The following HNRNPUL1 variants were observed in gnomAD, a reference collection of about 807,000 sequenced individuals.
The protein encoded by HNRNPUL1 is heterogeneous nuclear ribonucleoprotein U-like protein 1.
A neutral mutation model predicts 108.5 loss-of-function variants in HNRNPUL1; 14 were observed. The observed-to-expected ratio is 0.13, with a 90% confidence interval of 0.09 to 0.20. The LOEUF is 0.20. Among genes scored for constraint, HNRNPUL1 ranks in the 10% least tolerant of loss-of-function variants. The pLI is 1.00. For synonymous variants in HNRNPUL1, 422 were observed against 445.2 expected (o/e 0.95, Z 0.66); for missense variants, 804 against 1,168.3 (o/e 0.69, Z 4.55).
intron 4 of HNRNPUL1, among the ~76,000 whole-genome samples, chr19:41,274,583 T>G (rs979919869): frequency 6.6e-6 from 1 of 152,218 alleles, no homozygotes; most frequent in South Asian, 2.1e-4. Flanking sequence ...TAAGTGGCTT[T>G]CACCTTCACT....
intron 7 of HNRNPUL1, among the ~76,000 whole-genome samples, chr19:41,285,600 C>T (rs1458284219): frequency 6.6e-6 from 1 of 152,168 alleles, no homozygotes; most frequent in African/African-American, 2.4e-5. Context: ...TTTGGTTGTA[C>T]AACAAGAAGG....
At chr19:41,278,188 T>C (rs1369707461) in intron 5 of HNRNPUL1, among the ~76,000 whole-genome samples, 1 of 151,972 alleles carries the variant, frequency 6.6e-6, no homozygotes, top group Admixed American at 6.6e-5. Flanking sequence ...GCCTCCCAAG[T>C]AGCTGGGATT....
intron 6 of HNRNPUL1, 69 bp from the exon 7 acceptor site, chr19:41,281,094 A>T (rs1165022827): frequency 2.2e-6 from 2 of 916,786 alleles, no homozygotes; most frequent in Non-Finnish European, 1.8e-6. Context: ...AAATAAAAGT[A>T]TGTGGCAGCC....
intron 10 of HNRNPUL1, among the ~76,000 whole-genome samples, chr19:41,297,994 G>T (rs777266330): frequency 4.6e-5 from 7 of 152,118 alleles, no homozygotes; most frequent in South Asian, 2.1e-4. Flanking sequence ...TCCTATAAAT[G>T]TGGTTCTTTT....
chr19:41,270,068 C>T (rs1003619349), intron 2 of HNRNPUL1, among the ~76,000 whole-genome samples: 2 of 152,088 alleles, frequency 1.3e-5, no homozygotes, highest in Admixed American at 6.5e-5. Flanking sequence ...CTGCAACCTC[C>T]GCCTCTCGGG....
At chr19:41,293,988 T>C (rs2036739313) in intron 8 of HNRNPUL1, among the ~76,000 whole-genome samples, 1 of 151,996 alleles carries the variant, frequency 6.6e-6, no homozygotes, top group Non-Finnish European at 1.5e-5. Context: ...GCCTGGGCAA[T>C]AGAGTGAGAC....
At chr19:41,303,644 G>A (rs1054083146) in intron 12 of HNRNPUL1, among the ~76,000 whole-genome samples, 2 of 152,046 alleles carry the variant, frequency 1.3e-5, no homozygotes, top group Admixed American at 6.6e-5. Flanking sequence ...GTGAGCCACC[G>A]CACCCTGCCA....
chr19:41,294,774 C>A lies in HNRNPUL1; in HGVS notation c.1518+88C>A. ...TCTCCCTCTGGTCCCTTTCTTTTTT[C>A]CCCCGTAATGATGATGGACTGCTGT... is the stretch of plus-strand genomic sequence containing the variant. On this transcript the variant is annotated intron_variant, in intron 10 of 14. Coordinates refer to ENST00000392006, the MANE Select transcript of HNRNPUL1 (RefSeq NM_007040.6). The surrounding 1 kb of genome is among the most constrained non-coding windows in gnomAD (Gnocchi z 4.3). 1 of 1,510,960 alleles carries A rather than the reference C, an allele frequency of 6.6e-7. No homozygotes were observed. Among genetic ancestry groups the A allele is most frequent in the Admixed American group, 1.7e-5 (1 of 58,494 alleles). The allele number at this position is 1,510,960 out of a possible 1,614,324, so 93.6% of individuals were successfully genotyped here. A position where few individuals can be genotyped will look rare whatever the true frequency, so the allele number is the denominator to read the frequency against.
At chr19:41,266,306 G>A (rs937987967) in intron 1 of HNRNPUL1, among the ~76,000 whole-genome samples, 1 of 152,000 alleles carries the variant, frequency 6.6e-6, no homozygotes, top group African/African-American at 2.4e-5. Context: ...GGTGGTGTGC[G>A]CCTGTAGTCC....
chr19:41,272,251 A>G lies in HNRNPUL1; in HGVS notation c.572+16A>G. Reference sequence around the variant, plus strand: ...AGGATAGGAGGTGGGTGTATGAGGCAGCAGTCACCCTTGCTCTGGTAGGTT... The same window carrying G: ...AGGATAGGAGGTGGGTGTATGAGGCGGCAGTCACCCTTGCTCTGGTAGGTT... On this transcript the variant is annotated intron_variant, in intron 3 of 14. Transcript: ENST00000392006. 1 of 1,611,146 alleles carries G rather than the reference A, an allele frequency of 6.2e-7. No individual in the cohort carries two copies.
chr19:41,287,851 C>T (rs944012486), intron 7 of HNRNPUL1, among the ~76,000 whole-genome samples: 6 of 152,068 alleles, frequency 3.9e-5, no homozygotes, highest in Non-Finnish European at 5.9e-5. Flanking sequence ...TCAGCCACTG[C>T]GCCCGGCCCT....
chr19:41,303,059 T>G (rs2037330100), intron 12 of HNRNPUL1, 110 bp downstream of exon 12: 1 of 1,219,042 alleles, frequency 8.2e-7, no homozygotes, highest in African/African-American at 1.5e-5. Context: ...AGCTGTGAGT[T>G]ATACTCTGGT....
chr19:41,278,163 G>A (rs200398412), intron 5 of HNRNPUL1, among the ~76,000 whole-genome samples: 12 of 151,890 alleles, frequency 7.9e-5, no homozygotes, highest in East Asian at 5.9e-4. Flanking sequence ...GGGTTCAAGC[G>A]ATTCTCCTGC....
In HNRNPUL1 at chr19:41,266,348, G is replaced by A. The variant is rs193111924; in HGVS notation, c.295+1550G>A. On this transcript the variant is annotated intron_variant, in intron 1 of 14. Coordinates refer to ENST00000392006, the MANE Select transcript of HNRNPUL1 (RefSeq NM_007040.6). ...CTCGGGAGGCTGAGGCAGGAGAATC[G>A]CTTGAACTTGGGAGGGGGAGGTTGC... Among the ~76,000 whole-genome samples, 18 of 152,154 alleles carry A rather than the reference G, an allele frequency of 1.2e-4. No individual in the cohort carries two copies. The East Asian group carries it at 2.9e-3, about 24-fold the overall frequency.
chr19:41,288,556 T>C (rs1020544705), intron 7 of HNRNPUL1, among the ~76,000 whole-genome samples: 1 of 152,184 alleles, frequency 6.6e-6, no homozygotes, highest in African/African-American at 2.4e-5. Flanking sequence ...GGTGGGGATC[T>C]TTTTATGGTA....
At chr19:41,266,646 A>G (rs2034866480) in intron 1 of HNRNPUL1, among the ~76,000 whole-genome samples, 1 of 152,078 alleles carries the variant, frequency 6.6e-6, no homozygotes, top group African/African-American at 2.4e-5. Flanking sequence ...GTTAAGGAGT[A>G]AGTAGAAGGG....
intron 7 of HNRNPUL1, among the ~76,000 whole-genome samples, chr19:41,289,733 T>TTTG (rs2036470901): frequency 7.0e-6 from 1 of 141,988 alleles, no homozygotes; most frequent in Non-Finnish European, 1.5e-5. Context: ...TTTTTTTTTT[T>TTTG]GAGAAGGAGT....
chr19:41,292,997 A>G lies in HNRNPUL1; in HGVS notation c.1266+486A>G, dbSNP rs914916209. Among the ~76,000 whole-genome samples the G allele has an allele frequency of 6.6e-6, 1 of 152,064 alleles. No individual in the cohort carries two copies. The highest frequency in any genetic ancestry group is 2.1e-4 in the South Asian group (1 of 4,814). On this transcript the variant is annotated intron_variant, in intron 8 of 14. Transcript: ENST00000392006. This position sits in a 1 kb window ranked among gnomAD's most constrained non-coding sequence, Gnocchi z 4.1. ...GTAGCTGGGACCACAGGTACATGCC[A>G]CCATGCCAGGCTAACTTTTTTAGCC...
At chr19:41,286,482 C>T (rs1268441597) in intron 7 of HNRNPUL1, 4 of 152,050 alleles carry the variant, frequency 2.6e-5, no homozygotes, top group African/African-American at 9.7e-5. Flanking sequence ...TTCTGATCAG[C>T]ATGAGAGTTT....
Sources: gnomAD v4.1 joint callset for allele counts (sites outside exome capture counted in the v4.1 genomes callset) on GRCh38, gnomAD v4.1.1 for gene constraint, Gnocchi (gnomAD v3.1) non-coding constraint, MANE v1.5 for transcripts, NCBI Gene and HGNC (gene_info 2026-07-23, HGNC 2026-07-21) for gene names.